Variants in ERO1B observed in about 807,000 individuals in gnomAD.
ERO1B encodes ERO1-like protein beta.
Under a neutral mutation model 75.3 loss-of-function variants are expected in ERO1B, and 49 were observed. The observed-to-expected ratio is 0.65, with a 90% CI of 0.52 to 0.83. The LOEUF is 0.83. Among genes scored for constraint, ERO1B ranks in the 40% least tolerant of loss-of-function variants. The probability of loss-of-function intolerance (pLI) is 0.00; values close to 1 mark genes in which losing one functional copy is unlikely to be tolerated. For missense variants in ERO1B, 512 were observed against 560.1 expected, an observed-to-expected ratio of 0.91 and a Z score of 0.87; for synonymous variants, 191 against 192.9, an observed-to-expected ratio of 0.99 and a Z score of 0.08.
intron 6 of ERO1B, among the ~76,000 whole-genome samples, chr1:236,240,260 G>C (rs1370368370): frequency 6.6e-6 from 1 of 151,910 alleles, no homozygotes; most frequent in East Asian, 1.9e-4. Flanking sequence ...TAATTTAATA[G>C]AGTTATGAGG....
intron 1 of ERO1B, among the ~76,000 whole-genome samples, chr1:236,274,262 G>A (rs1468136661): frequency 6.6e-6 from 1 of 152,094 alleles, no homozygotes; most frequent in African/African-American, 2.4e-5. Flanking sequence ...GGGATTGCAG[G>A]TGTGAGCCAC....
rs944118506 is a variant in ERO1B at position 236,217,506 on chromosome 1, T to C, written c.*1010A>G. 6.6e-6 allele frequency: 1 copy of C among 152,546 alleles called. No homozygotes were observed. The highest frequency in any genetic ancestry group is 2.1e-4 in the South Asian group (1 of 4,830). 9.4% of individuals were successfully genotyped at this position (152,546 alleles called of 1,614,324 possible). A position where few individuals can be genotyped will look rare whatever the true frequency, so the allele number is the denominator to read the frequency against. On this transcript the variant is annotated 3_prime_UTR_variant, in exon 16 of 16. Coordinates refer to ENST00000354619, the MANE Select transcript of ERO1B (RefSeq NM_019891.4). Reference sequence around the variant, plus strand: ...TATATCCTGTCAGGGAAAAGCACACTGAGTTCGAGGATTGCATAGATTGTA... The same window carrying C: ...TATATCCTGTCAGGGAAAAGCACACCGAGTTCGAGGATTGCATAGATTGTA...
intron 2 of ERO1B, chr1:236,267,719 A>G (rs1479379267): frequency 1.3e-5 from 2 of 152,260 alleles, no homozygotes; most frequent in Non-Finnish European, 2.9e-5. Flanking sequence ...GAAAGCAGCT[A>G]CAAATGCACT....
intron 5 of ERO1B, among the ~76,000 whole-genome samples, chr1:236,248,857 A>G (rs1433581071): frequency 1.3e-5 from 2 of 152,138 alleles, no homozygotes; most frequent in Non-Finnish European, 2.9e-5. Context: ...CATATGGCAA[A>G]AAATGTTAAT....
chr1:236,271,927 G>A (rs1470207792), intron 1 of ERO1B, among the ~76,000 whole-genome samples: 1 of 151,926 alleles, frequency 6.6e-6, no homozygotes, highest in East Asian at 1.9e-4. Context: ...ATTGTGGTAG[G>A]GGATGGGTTA....
At position 236,249,875 on chromosome 1, in the gene ERO1B, T is replaced by C; in HGVS notation, c.431+10A>G. Reference sequence around the variant, plus strand: ...GAATATTTTCTTAATATTACCAAAATAAAACTTGCCTTAATGTGCTGTTAA... The same window carrying C: ...GAATATTTTCTTAATATTACCAAAACAAAACTTGCCTTAATGTGCTGTTAA... On this transcript the variant is annotated intron_variant, in intron 5 of 15. Transcript: ENST00000354619. The C allele has an allele frequency of 1.9e-6, 3 of 1,556,322 alleles. No homozygotes were observed.
chr1:236,251,532 T>G (rs2102956470), intron 4 of ERO1B: 24 of 862,782 alleles, frequency 2.8e-5, no homozygotes, highest in Middle Eastern at 5.9e-4. Context: ...AGAGAGAGGG[T>G]ATGATGATCT....
chr1:236,254,922 CT>C (rs60728524), intron 2 of ERO1B, among the ~76,000 whole-genome samples: 34 of 140,962 alleles, frequency 2.4e-4, no homozygotes, highest in East Asian at 4.2e-4. Context: ...CGGTCTTTAT[CT>C]TTTTTTTTTT....
At chr1:236,278,541 C>T (rs1269424147) in intron 1 of ERO1B, among the ~76,000 whole-genome samples, 1 of 152,022 alleles carries the variant, frequency 6.6e-6, no homozygotes, top group Non-Finnish European at 1.5e-5. Flanking sequence ...TAGGAGAAGC[C>T]CTCAGAGTAA....
At chr1:236,225,802 G>A (rs187305132) in intron 12 of ERO1B, among the ~76,000 whole-genome samples, 2 of 152,268 alleles carry the variant, frequency 1.3e-5, no homozygotes, top group Admixed American at 6.5e-5. Flanking sequence ...GGGTGTGATG[G>A]CACACACCTG....
intron 5 of ERO1B, 111 bp downstream of exon 5, chr1:236,249,774 A>C: frequency 2.7e-6 from 2 of 728,196 alleles, no homozygotes; most frequent in East Asian, 6.2e-5. Context: ...CCTTTTAAAA[A>C]TATATTAGTT....
chr1:236,219,445 G>A (rs576384554), intron 15 of ERO1B, among the ~76,000 whole-genome samples: 1 of 152,130 alleles, frequency 6.6e-6, no homozygotes, highest in East Asian at 1.9e-4. Context: ...TGAGATCGAA[G>A]GAAATTTTCA....
At chr1:236,241,341 T>C (rs2463199) in intron 6 of ERO1B, among the ~76,000 whole-genome samples, 48,268 of 151,806 alleles carry the variant, frequency 0.32, 8,300 homozygotes, top group East Asian at 0.77. Context: ...GTCAGGAGTT[T>C]GAGACCAACC....
intron 10 of ERO1B, among the ~76,000 whole-genome samples, chr1:236,228,186 C>T (rs768158719): frequency 1.3e-5 from 2 of 152,122 alleles, no homozygotes; most frequent in Non-Finnish European, 2.9e-5. Context: ...GCCTACAAAC[C>T]AGGACCTGGA....
In ERO1B at chr1:236,215,816, A is replaced by C. The variant is rs531088799; in HGVS notation, c.*2700T>G. The C allele has an allele frequency of 6.6e-6, 1 of 152,170 alleles. No individual in the cohort carries two copies. The highest frequency in any genetic ancestry group is 1.5e-5 in the Non-Finnish European group (1 of 68,016). The allele number at this position is 152,170 out of a possible 1,614,324, so 9.4% of individuals were successfully genotyped here. A position where few individuals can be genotyped will look rare whatever the true frequency, so the allele number is the denominator to read the frequency against. ...AGAGGTTTACTGTGAACTGTTCCCA[A>C]ATTTTCAGCTGAAGGCAATGCTGAT... On this transcript the variant is annotated 3_prime_UTR_variant, in exon 16 of 16. Transcript: ENST00000354619.
intron 2 of ERO1B, among the ~76,000 whole-genome samples, chr1:236,255,555 T>C (rs1665141143): frequency 6.6e-6 from 1 of 152,150 alleles, no homozygotes; most frequent in Admixed American, 6.5e-5. Flanking sequence ...CTAATTAATA[T>C]GGTTAAGTAA....
rs146544268 is a variant in ERO1B at position 236,220,943 on chromosome 1, A to T, written c.1232T>A (p.Leu411Gln). The change falls in exon 15 of 16, where the codon CTG (leucine) becomes CAG (glutamine). Residue 411 changes from leucine (L) to glutamine (Q), a missense_variant. By Grantham distance (113) the Leu-to-Gln change is moderately radical. Transcript: ENST00000354619. ...KLQTQGLGTA[L>Q]KILFSEKEIQ... is the part of the protein sequence containing the mutation. ...TTCTTTTTCAGAGAATAATATCTTCAGGGCAGTTCCTAAACCCTGAGTCTA... is the reference window on the plus strand; with the variant it reads ...TTCTTTTTCAGAGAATAATATCTTCTGGGCAGTTCCTAAACCCTGAGTCTA... 5.9e-5 allele frequency: 93 copies of T among 1,586,120 alleles called. No homozygotes were observed. The African/African-American group carries it at 8.7e-4, about 15-fold the overall frequency.
intron 5 of ERO1B, among the ~76,000 whole-genome samples, chr1:236,244,340 G>A (rs1480870559): frequency 6.6e-6 from 1 of 152,170 alleles, no homozygotes; most frequent in African/African-American, 2.4e-5. Context: ...CTACAAAGAA[G>A]TGTATAAGCT....
chr1:236,271,299 A>G (rs1665584243), intron 1 of ERO1B, among the ~76,000 whole-genome samples: 1 of 152,188 alleles, frequency 6.6e-6, no homozygotes. Context: ...GAAAATGGAA[A>G]CCAGTCCTTG....
Sources: gnomAD v4.1 joint callset for allele counts (sites outside exome capture counted in the v4.1 genomes callset) on GRCh38, gnomAD v4.1.1 for gene constraint, MANE v1.5 for transcripts, NCBI Gene and HGNC (gene_info 2026-07-23, HGNC 2026-07-21) for gene names.